The following ENPP6 variants were observed in gnomAD, a reference collection of about 807,000 sequenced individuals.
ENPP6 encodes the protein ectonucleotide pyrophosphatase/phosphodiesterase 6, also known as glycerophosphocholine cholinephosphodiesterase ENPP6.
In ENPP6, 32 loss-of-function variants were observed where a neutral mutation model predicts 42.0. The observed-to-expected ratio is 0.76, with a 90% confidence interval of 0.58 to 1.02. The LOEUF is 1.02. ENPP6 is among the 50% of genes least tolerant of loss of function. ENPP6 has a pLI of 0.00. For missense variants in ENPP6, 552 were observed against 566.8 expected, an observed-to-expected ratio of 0.97 and a Z score of 0.27; for synonymous variants, 213 against 216.0, an observed-to-expected ratio of 0.99 and a Z score of 0.12.
At chr4:184,097,496 C>A in intron 6 of ENPP6, 128 bp from the exon 7 acceptor site, 2 of 1,347,178 alleles carry the variant, frequency 1.5e-6, no homozygotes, top group Non-Finnish European at 2.0e-6. Flanking sequence ...CCAGACTGAC[C>A]CAACCTCCGC....
At chr4:184,127,618 G>A (rs148005719) in intron 2 of ENPP6, among the ~76,000 whole-genome samples, 98 of 152,252 alleles carry the variant, frequency 6.4e-4, no homozygotes, top group African/African-American at 2.1e-3. Flanking sequence ...CTAGCCAGGC[G>A]TAGTGCTGTG....
At chr4:184,134,882 C>G (rs1453516432) in intron 2 of ENPP6, among the ~76,000 whole-genome samples, 1 of 151,216 alleles carries the variant, frequency 6.6e-6, no homozygotes, top group Non-Finnish European at 1.5e-5. Flanking sequence ...CTGCATTCGT[C>G]TTATGCCACT....
intron 2 of ENPP6, among the ~76,000 whole-genome samples, chr4:184,143,692 C>A (rs76673077): frequency 0.029 from 4,346 of 152,324 alleles, 210 homozygotes; most frequent in African/African-American, 0.096. Flanking sequence ...TGCCCTCTGC[C>A]CCTCTGCAGC....
intron 6 of ENPP6, among the ~76,000 whole-genome samples, chr4:184,108,281 C>A (rs1278710973): frequency 6.6e-6 from 1 of 152,208 alleles, no homozygotes; most frequent in East Asian, 1.9e-4. Context: ...TGCTTTCGGG[C>A]CGAGAGTCTT....
intron 2 of ENPP6, among the ~76,000 whole-genome samples, chr4:184,137,529 A>T (rs1271217186): frequency 6.6e-6 from 1 of 152,198 alleles, no homozygotes; most frequent in East Asian, 1.9e-4. Context: ...ACCACTTAAC[A>T]GGATATGTAG....
chr4:184,096,027 C>G (rs774450523), intron 7 of ENPP6, among the ~76,000 whole-genome samples: 2 of 152,130 alleles, frequency 1.3e-5, no homozygotes, highest in African/African-American at 2.4e-5. Context: ...ACATCATGAA[C>G]CCTATTAGTG....
intron 3 of ENPP6, among the ~76,000 whole-genome samples, chr4:184,123,725 T>C (rs1736456792): frequency 6.6e-6 from 1 of 152,216 alleles, no homozygotes; most frequent in Non-Finnish European, 1.5e-5. Context: ...TTTTGTGTTC[T>C]AATATACCCA....
At chr4:184,197,756 A>G (rs189674134) in intron 1 of ENPP6, among the ~76,000 whole-genome samples, 12 of 152,360 alleles carry the variant, frequency 7.9e-5, no homozygotes, top group African/African-American at 2.6e-4. Flanking sequence ...TATATCTTAC[A>G]CAGAAAAATG....
intron 1 of ENPP6, among the ~76,000 whole-genome samples, chr4:184,202,668 T>C (rs1386976429): frequency 6.6e-6 from 1 of 152,116 alleles, no homozygotes; most frequent in Non-Finnish European, 1.5e-5. Flanking sequence ...GCATGTCTCA[T>C]TTAGAAGTTG....
rs115654022 is a variant in ENPP6 at position 184,193,921 on chromosome 4, T to G, written c.241+23658A>C. Among the ~76,000 whole-genome samples, 1,249 of 152,334 alleles carry G rather than the reference T, an allele frequency of 8.2e-3. 17 individuals are homozygous for G. Among genetic ancestry groups the G allele is most frequent in the African/African-American group, 0.029 (1,208 of 41,570 alleles). On this transcript the variant is annotated intron_variant, in intron 1 of 7. Coordinates refer to ENST00000296741, the MANE Select transcript of ENPP6 (RefSeq NM_153343.4). ...ATTCTTTAATTGTTCAGTTTGATGC[T>G]ACTGACTTTCTTCTATTAGAAGCTT... is the stretch of plus-strand genomic sequence containing the variant.
intron 2 of ENPP6, among the ~76,000 whole-genome samples, chr4:184,145,158 G>A (rs907084848): frequency 6.6e-6 from 1 of 152,230 alleles, no homozygotes; most frequent in African/African-American, 2.4e-5. Flanking sequence ...CACTTGTTCT[G>A]ATTTGCAGGC....
chr4:184,215,622 T>C (rs562371656), intron 1 of ENPP6, among the ~76,000 whole-genome samples: 2 of 152,318 alleles, frequency 1.3e-5, no homozygotes, highest in Admixed American at 1.3e-4. Flanking sequence ...TGAGCCTTGC[T>C]AGATCCCTCC....
At chr4:184,189,257 G>T (rs536486497) in intron 1 of ENPP6, among the ~76,000 whole-genome samples, 15 of 152,300 alleles carry the variant, frequency 9.8e-5, no homozygotes, top group African/African-American at 3.6e-4. Context: ...GAAACCAGAG[G>T]GGATGGTGTC....
intron 7 of ENPP6, among the ~76,000 whole-genome samples, chr4:184,093,837 C>T (rs144607341): frequency 2.2e-3 from 337 of 152,070 alleles, no homozygotes; most frequent in Middle Eastern, 6.8e-3. Context: ...GTTGTTCCAG[C>T]GGCATGGAAG....
intron 1 of ENPP6, among the ~76,000 whole-genome samples, chr4:184,188,133 C>G (rs1278992627): frequency 4.6e-5 from 7 of 152,132 alleles, no homozygotes; most frequent in Non-Finnish European, 7.3e-5. Flanking sequence ...TACAGAAGAC[C>G]ATTCCAGGAC....
intron 3 of ENPP6, among the ~76,000 whole-genome samples, chr4:184,119,343 GTGTGTGTGTGTGTGTGTGTGTGTC>G (rs1405737530): frequency 1.1e-4 from 11 of 97,938 alleles, no homozygotes; most frequent in Non-Finnish European, 2.2e-4. Context: ...GTGTGTGTGT[GTGTGTGTGTGTGTGTGTGTGTGTC>G]TCATTTACTC....
intron 3 of ENPP6, among the ~76,000 whole-genome samples, chr4:184,118,538 C>T (rs995772521): frequency 2.0e-5 from 3 of 152,172 alleles, no homozygotes; most frequent in Admixed American, 1.3e-4. Context: ...GCTGTCAACC[C>T]CAGATGCTGG....
At chr4:184,178,443 A>G (rs111745099) in intron 1 of ENPP6, among the ~76,000 whole-genome samples, 17,220 of 152,218 alleles carry the variant, frequency 0.11, 1,389 homozygotes, top group South Asian at 0.24. Context: ...GCTGGAAAAC[A>G]TATTTCAGTA....
intron 1 of ENPP6, among the ~76,000 whole-genome samples, chr4:184,163,258 GCCT>G (rs772909072): frequency 6.6e-6 from 1 of 152,180 alleles, no homozygotes; most frequent in Admixed American, 6.5e-5. Context: ...ACCTCAGGCG[GCCT>G]CCTAGTCTAA....
Sources: allele counts gnomAD v4.1 joint callset (sites outside exome capture counted in the v4.1 genomes callset), GRCh38; gene constraint gnomAD v4.1.1; transcripts MANE v1.5; gene names NCBI Gene and HGNC (gene_info 2026-07-23, HGNC 2026-07-21).